The following PDE4D variants were observed in gnomAD, a reference collection of about 807,000 sequenced individuals.
PDE4D encodes 3',5'-cyclic-AMP phosphodiesterase 4D.
Under a neutral mutation model 87.4 loss-of-function variants are expected in PDE4D, and 24 were observed. The observed-to-expected ratio is 0.27, with a 90% CI of 0.20 to 0.39. The LOEUF (loss-of-function observed/expected upper bound fraction) is 0.39, where lower values mean the gene tolerates loss of function less well. Among genes scored for constraint, PDE4D ranks in the 10% least tolerant of loss-of-function variants. The probability of loss-of-function intolerance (pLI) is 1.00; values close to 1 mark genes in which losing one functional copy is unlikely to be tolerated. For synonymous variants in PDE4D, 384 were observed against 383.2 expected (o/e 1.00, Z -0.02); for missense variants, 714 against 1,041.0 (o/e 0.69, Z 4.32).
intron 1 of PDE4D, among the ~76,000 whole-genome samples, chr5:59,737,845 C>T (rs1159715219): frequency 6.6e-6 from 1 of 152,036 alleles, no homozygotes; most frequent in Non-Finnish European, 1.5e-5. Context: ...CACATACATA[C>T]TATATATAAT....
chr5:60,108,400 G>A (rs954182923), intron 2 of PDE4D, among the ~76,000 whole-genome samples: 20 of 152,122 alleles, frequency 1.3e-4, no homozygotes, highest in African/African-American at 3.6e-4. Context: ...TTCATGGGTC[G>A]GAAGAATCAA....
intron 5 of PDE4D, among the ~76,000 whole-genome samples, chr5:59,065,113 CACACACACACATAT>C (rs948056403): frequency 4.1e-5 from 5 of 120,538 alleles, no homozygotes; most frequent in African/African-American, 1.8e-4. Context: ...CACACACACA[CACACACACACATAT>C]ACAATGAAAT....
intron 1 of PDE4D, among the ~76,000 whole-genome samples, chr5:60,209,187 CTTTTTTTTTT>C (rs58524375): frequency 9.2e-6 from 1 of 108,498 alleles, no homozygotes; most frequent in African/African-American, 3.5e-5. Flanking sequence ...TTCTTTTTTT[CTTTTTTTTTT>C]TTTTTTTTTT....
intron 1 of PDE4D, among the ~76,000 whole-genome samples, chr5:59,299,519 C>T (rs1769757783): frequency 6.6e-6 from 1 of 152,080 alleles, no homozygotes; most frequent in African/African-American, 2.4e-5. Flanking sequence ...GCTGCAGGAG[C>T]CTAAACCAAT....
chr5:60,146,722 G>A lies in PDE4D; in HGVS notation c.42+38835C>T, dbSNP rs146101788. ...ACAATAACAAAAAATATTTGCATCC[G>A]ATATGAATATTCGCACCTGATATGA... On this transcript the variant is annotated intron_variant, in intron 2 of 16. Coordinates refer to the PDE4D transcript ENST00000502484. Among the ~76,000 whole-genome samples the A allele has an allele frequency of 3.4e-4, 52 of 152,228 alleles. 1 individual carries two copies. In the East Asian group the frequency reaches 9.1e-3, roughly 27 times the overall value.
At chr5:60,388,843 A>G (rs1361760961) in intron 1 of PDE4D, among the ~76,000 whole-genome samples, 2 of 152,220 alleles carry the variant, frequency 1.3e-5, no homozygotes, top group African/African-American at 4.8e-5. Context: ...AAGTATCTAT[A>G]TCATAACACC....
At chr5:59,017,445 G>C (rs887349322) in intron 6 of PDE4D, among the ~76,000 whole-genome samples, 1 of 152,162 alleles carries the variant, frequency 6.6e-6, no homozygotes, top group African/African-American at 2.4e-5. Context: ...AGGAGGGTAT[G>C]TAAGGAGAAA....
At chr5:60,458,118 C>T (rs1187207447) in intron 1 of PDE4D, among the ~76,000 whole-genome samples, 1 of 152,122 alleles carries the variant, frequency 6.6e-6, no homozygotes, top group African/African-American at 2.4e-5. Flanking sequence ...GGTGCAGTGG[C>T]TTACACCTGT....
At chr5:59,959,839 GA>G (rs1759269987) in intron 3 of PDE4D, among the ~76,000 whole-genome samples, 1 of 152,054 alleles carries the variant, frequency 6.6e-6, no homozygotes, top group South Asian at 2.1e-4. Flanking sequence ...AACAAAAATT[GA>G]AAATTAGGAT....
chr5:59,261,153 G>A (rs1199705330), intron 1 of PDE4D, among the ~76,000 whole-genome samples: 1 of 151,772 alleles, frequency 6.6e-6, no homozygotes, highest in African/African-American at 2.4e-5. Context: ...TTCTTGCATG[G>A]TGCCCTTTTA....
intron 6 of PDE4D, among the ~76,000 whole-genome samples, chr5:59,027,813 C>A (rs934583032): frequency 6.6e-6 from 1 of 151,604 alleles, no homozygotes; most frequent in South Asian, 2.1e-4. Flanking sequence ...GTCTTGGTTC[C>A]TTTTACCAGA....
intron 1 of PDE4D, among the ~76,000 whole-genome samples, chr5:60,507,010 T>C (rs762457348): frequency 3.4e-4 from 51 of 152,200 alleles, no homozygotes; most frequent in Non-Finnish European, 6.6e-4. Context: ...CATAAACAAA[T>C]TGTGATTATG....
intron 1 of PDE4D, among the ~76,000 whole-genome samples, chr5:59,243,325 T>C (rs577572537): frequency 6.6e-6 from 1 of 152,140 alleles, no homozygotes; most frequent in South Asian, 2.1e-4. Flanking sequence ...ATTTCCCATT[T>C]GTAAAACAAG....
At chr5:59,846,728 A>G (rs1332234906) in intron 1 of PDE4D, among the ~76,000 whole-genome samples, 1 of 151,984 alleles carries the variant, frequency 6.6e-6, no homozygotes, top group African/African-American at 2.4e-5. Flanking sequence ...GCAGCGGACA[A>G]GTAGGGTGCA....
At chr5:59,750,134 A>G (rs944775551) in intron 1 of PDE4D, among the ~76,000 whole-genome samples, 8 of 139,276 alleles carry the variant, frequency 5.7e-5, no homozygotes, top group Non-Finnish European at 1.1e-4. Flanking sequence ...TCTCTAGTCC[A>G]CACTGCCAAT....
At chr5:60,158,587 A>C (rs1782192535) in intron 2 of PDE4D, among the ~76,000 whole-genome samples, 1 of 152,000 alleles carries the variant, frequency 6.6e-6, no homozygotes, top group Admixed American at 6.6e-5. Context: ...TTTTGAGACA[A>C]AGTCTCGCCC....
chr5:59,762,349 C>CGTATATGGGTACACATGTGT (rs1561615587), intron 1 of PDE4D, among the ~76,000 whole-genome samples: 1 of 100,334 alleles, frequency 1.0e-5, no homozygotes, highest in African/African-American at 4.3e-5. Flanking sequence ...TACACATATG[C>CGTATATGGGTACACATGTGT]ATATATGTGT....
At chr5:59,765,828 A>C (rs1435608539) in intron 1 of PDE4D, among the ~76,000 whole-genome samples, 1 of 152,230 alleles carries the variant, frequency 6.6e-6, no homozygotes, top group Non-Finnish European at 1.5e-5. Context: ...GTAGAACAGC[A>C]AGATTATCTT....
intron 1 of PDE4D, among the ~76,000 whole-genome samples, chr5:59,890,742 G>C (rs189828659): frequency 2.0e-3 from 305 of 152,288 alleles, no homozygotes; most frequent in African/African-American, 7.1e-3. Context: ...ATGTGATACT[G>C]AACAAATTGC....
Sources: gnomAD v4.1 joint callset for allele counts (sites outside exome capture counted in the v4.1 genomes callset) on GRCh38, gnomAD v4.1.1 for gene constraint, MANE v1.5 for transcripts, NCBI Gene and HGNC (gene_info 2026-07-23, HGNC 2026-07-21) for gene names.